Variants in FAM169A observed in about 807,000 individuals in gnomAD.
The protein encoded by FAM169A is soluble lamin-associated protein of 75 kDa.
A neutral mutation model predicts 75.7 loss-of-function variants in FAM169A; 24 were observed. The observed-to-expected ratio is 0.32, with a 90% CI of 0.23 to 0.45. FAM169A has a LOEUF of 0.45. FAM169A is among the 20% of genes least tolerant of loss of function. The pLI is 1.00. For synonymous variants in FAM169A, 271 were observed against 271.0 expected, an observed-to-expected ratio of 1.00 and a Z score of 0.00; for missense variants, 673 against 784.0, an observed-to-expected ratio of 0.86 and a Z score of 1.69.
At chr5:74,858,115 C>A (rs574969486) in intron 1 of FAM169A, among the ~76,000 whole-genome samples, 20 of 151,796 alleles carry the variant, frequency 1.3e-4, no homozygotes, top group African/African-American at 4.8e-4. Context: ...AGGCCAGGCG[C>A]GGTGGCTCAT....
At chr5:74,865,387 G>A (rs1384834759) in intron 1 of FAM169A, 4 of 152,126 alleles carry the variant, frequency 2.6e-5, no homozygotes, top group Non-Finnish European at 2.9e-5. Context: ...TGCATCAGGT[G>A]GTTATCTTCG....
intron 1 of FAM169A, among the ~76,000 whole-genome samples, chr5:74,861,030 AG>A (rs1750007652): frequency 6.6e-6 from 1 of 152,074 alleles, no homozygotes; most frequent in South Asian, 2.1e-4. Flanking sequence ...CCAGCTACTC[AG>A]GGGGCTGAGA....
intron 1 of FAM169A, among the ~76,000 whole-genome samples, chr5:74,850,439 C>T (rs886125878): frequency 1.3e-5 from 2 of 152,182 alleles, no homozygotes; most frequent in African/African-American, 2.4e-5. Flanking sequence ...GATAAGAAAT[C>T]ATTTAAGCAT....
chr5:74,853,747 GC>G (rs1749565938), intron 1 of FAM169A, among the ~76,000 whole-genome samples: 1 of 116,996 alleles, frequency 8.5e-6, no homozygotes, highest in Admixed American at 1.2e-4. Flanking sequence ...TTGCTCTGCT[GC>G]CCAGGCTGCA....
intron 1 of FAM169A, among the ~76,000 whole-genome samples, chr5:74,857,849 C>T (rs1749805754): frequency 6.6e-6 from 1 of 152,104 alleles, no homozygotes; most frequent in Non-Finnish European, 1.5e-5. Flanking sequence ...ATTGTAAGTA[C>T]TGTCACAGGC....
At chr5:74,807,104 G>T (rs968607504) in intron 6 of FAM169A, among the ~76,000 whole-genome samples, 2 of 152,142 alleles carry the variant, frequency 1.3e-5, no homozygotes, top group African/African-American at 4.8e-5. Context: ...TTATACAGAT[G>T]CTCCCTGACT....
chr5:74,866,077 G>A (rs1188449624), intron 1 of FAM169A, 88 bp downstream of exon 1: 22 of 665,560 alleles, frequency 3.3e-5, no homozygotes, highest in Non-Finnish European at 4.1e-5. Context: ...CGGTGTCCGC[G>A]GGTCTGGTGC....
At chr5:74,792,516 T>G (rs537152239) in intron 11 of FAM169A, among the ~76,000 whole-genome samples, 3,605 of 129,870 alleles carry the variant, frequency 0.028, 143 homozygotes, top group African/African-American at 0.13. Context: ...CGGACTGGCT[T>G]CCTTGCTTCC....
intron 11 of FAM169A, among the ~76,000 whole-genome samples, chr5:74,784,238 A>G (rs1745554229): frequency 6.6e-6 from 1 of 152,112 alleles, no homozygotes; most frequent in South Asian, 2.1e-4. Flanking sequence ...AGTGTCCACA[A>G]TAAGGGGGAA....
At position 74,805,524 on chromosome 5, in the gene FAM169A, C is replaced by CTTTTTTTTTTTTTTTT. The variant is rs1194674402; in HGVS notation, c.671-256_671-241dup. Reference sequence around the variant, plus strand: ...AAAAATCCTTTAAAAATGTGCTTCGCTTTTTTTTTTTTTTTTTTTTTTTGG... The same window carrying CTTTTTTTTTTTTTTTT: ...AAAAATCCTTTAAAAATGTGCTTCGCTTTTTTTTTTTTTTTTTTTTTTTTTTTTTTTTTTTTTTTGG... On this transcript the variant is annotated intron_variant, in intron 6 of 12. Transcript: ENST00000687041. 4.0e-4 allele frequency among the ~76,000 whole-genome samples: 33 copies of CTTTTTTTTTTTTTTTT among 81,924 alleles called. 1 individual carries two copies. The highest frequency in any genetic ancestry group is 1.7e-3 in the African/African-American group (32 of 18,436). 53.7% of individuals were successfully genotyped at this position (81,924 alleles called of 152,430 possible).
At chr5:74,816,199 A>G (rs1252860875) in intron 5 of FAM169A, among the ~76,000 whole-genome samples, 4 of 152,228 alleles carry the variant, frequency 2.6e-5, no homozygotes, top group Non-Finnish European at 5.9e-5. Flanking sequence ...AACACACATT[A>G]TAAGTAGTGG....
In FAM169A at chr5:74,857,025, T is replaced by C. The variant is rs539095416; in HGVS notation, c.-4+9140A>G. ...TCGGGAGGCTGAGGCAGGAGAATGG[T>C]GTGAATCCCGGAGCCGGAGGTTGCA... On this transcript the variant is annotated intron_variant, in intron 1 of 12. Transcript: ENST00000687041. Among the ~76,000 whole-genome samples, 6 of 144,814 alleles carry C rather than the reference T, an allele frequency of 4.1e-5. No individual in the cohort carries two copies. The East Asian group carries it at 1.2e-3, about 30-fold the overall frequency.
At position 74,841,607 on chromosome 5, in the gene FAM169A, T is replaced by A; in HGVS notation, c.70A>T (p.Met24Leu). 2 of 1,613,052 alleles carry A rather than the reference T, an allele frequency of 1.2e-6. No individual in the cohort carries two copies. The highest frequency in any genetic ancestry group is 1.1e-5 in the South Asian group (1 of 91,058). ...GGGTCCCCACACCTTAAATCTGACA[T>A]GTAATCTTCAGCAGAATTTTCCAAT... Reference protein sequence around the residue: ...EELENSAEDYMSDLRCGDPEN... With the variant: ...EELENSAEDYLSDLRCGDPEN... Residue 24 changes from methionine (M) to leucine (L), a missense_variant, in exon 2 of 13, where the codon ATG becomes TTG. By Grantham distance (15) the Met-to-Leu change is conservative. This residue lies in a region of FAM169A where 56 missense variants were observed against 52.2 expected (regional missense o/e 1.07). Coordinates refer to ENST00000687041, the MANE Select transcript of FAM169A (RefSeq NM_001376049.1).
chr5:74,864,065 T>C (rs778427308), intron 1 of FAM169A, among the ~76,000 whole-genome samples: 14 of 152,214 alleles, frequency 9.2e-5, no homozygotes, highest in Non-Finnish European at 1.6e-4. Flanking sequence ...CACGATATTT[T>C]TGCCAGGGAT....
intron 5 of FAM169A, among the ~76,000 whole-genome samples, chr5:74,826,604 G>A (rs1748040667): frequency 6.6e-6 from 1 of 152,094 alleles, no homozygotes. Flanking sequence ...AATAATTACA[G>A]AAGATGTTAT....
rs59106706 is a variant in FAM169A, at chr5:74,818,801, C to CTATATA, written c.491-4783_491-4782insTATATA. The stretch of plus-strand genomic sequence containing the variant: ...TCTCTCTCTCTCTCTCTCTCTCTCT[C>CTATATA]TCTATATATATATATATATATATGT... On this transcript the variant is annotated intron_variant, in intron 5 of 12. Coordinates refer to ENST00000687041, the MANE Select transcript of FAM169A (RefSeq NM_001376049.1). Among the ~76,000 whole-genome samples the CTATATA allele has an allele frequency of 1.9e-3, 235 of 123,104 alleles. 1 individual carries two copies. Among genetic ancestry groups the CTATATA allele is most frequent in the African/African-American group, 5.3e-3 (155 of 28,996 alleles). The allele number at this position is 123,104 out of a possible 152,430, so 80.8% of individuals were successfully genotyped here.
chr5:74,810,904 G>T (rs1397350846), intron 6 of FAM169A, among the ~76,000 whole-genome samples: 2 of 129,972 alleles, frequency 1.5e-5, no homozygotes, highest in Admixed American at 1.8e-4. Context: ...TTGAACTCCT[G>T]TACTCAAGTG....
rs966697054 is a variant in FAM169A, at chr5:74,777,756, T to C, written c.*3704A>G. 6.6e-6 allele frequency: 1 copy of C among 152,012 alleles called. No individual in the cohort carries two copies. Among genetic ancestry groups the C allele is most frequent in the African/African-American group, 2.4e-5 (1 of 41,432 alleles). The allele number at this position is 152,012 out of a possible 1,614,324, so 9.4% of individuals were successfully genotyped here. A position where few individuals can be genotyped will look rare whatever the true frequency, so the allele number is the denominator to read the frequency against. On this transcript the variant is annotated 3_prime_UTR_variant, in exon 13 of 13. Transcript: ENST00000687041. ...CAGACCAGGAAACAATCACAAAATA[T>C]AGGTTTAATTACTACTTTTAAACTT...
chr5:74,842,898 T>C (rs1406591693), intron 1 of FAM169A, among the ~76,000 whole-genome samples: 1 of 152,170 alleles, frequency 6.6e-6, no homozygotes, highest in East Asian at 1.9e-4. Context: ...AGCGAAGCTA[T>C]TGCTATATCT....
Sources: allele counts gnomAD v4.1 joint callset (sites outside exome capture counted in the v4.1 genomes callset), GRCh38; gene constraint gnomAD v4.1.1; regional missense constraint gnomAD v4.1.1; transcripts MANE v1.5; gene names NCBI Gene and HGNC (gene_info 2026-07-23, HGNC 2026-07-21).